The following GRID2 variants were observed in gnomAD, a reference collection of about 807,000 sequenced individuals.
GRID2 encodes the protein glutamate receptor ionotropic, delta-2.
Under a neutral mutation model 114.8 loss-of-function variants are expected in GRID2, and 33 were observed. The observed-to-expected ratio is 0.29, with a 90% CI of 0.22 to 0.38. GRID2 has a LOEUF of 0.38. GRID2 is among the 10% of genes least tolerant of loss of function. The pLI is 1.00. For missense variants in GRID2, 1,184 were observed against 1,257.7 expected (o/e 0.94, Z 0.89); for synonymous variants, 505 against 449.9 (o/e 1.12, Z -1.55).
At chr4:93,129,374 TTTG>T (rs534558735) in intron 4 of GRID2, among the ~76,000 whole-genome samples, 46 of 152,170 alleles carry the variant, frequency 3.0e-4, no homozygotes, top group South Asian at 6.2e-4. Flanking sequence ...TTTGTTTGTT[TTTG>T]TTGTTGTTTT....
intron 2 of GRID2, among the ~76,000 whole-genome samples, chr4:92,806,584 TATG>T (rs1383221015): frequency 6.6e-6 from 1 of 151,900 alleles, no homozygotes; most frequent in African/African-American, 2.4e-5. Flanking sequence ...CTGTGCTAAG[TATG>T]ATAATTAGGA....
intron 2 of GRID2, among the ~76,000 whole-genome samples, chr4:92,868,989 AT>A (rs1035974492): frequency 6.6e-5 from 10 of 152,172 alleles, no homozygotes; most frequent in African/African-American, 2.2e-4. Context: ...TAAATTACAT[AT>A]TAGGATGATA....
chr4:93,176,490 C>G (rs1195296915), intron 4 of GRID2, among the ~76,000 whole-genome samples: 2 of 152,124 alleles, frequency 1.3e-5, no homozygotes, highest in Non-Finnish European at 2.9e-5. Flanking sequence ...TAACATTTAT[C>G]ATTTCACATT....
intron 2 of GRID2, among the ~76,000 whole-genome samples, chr4:92,716,288 T>G (rs753113877): frequency 6.6e-6 from 1 of 152,180 alleles, no homozygotes; most frequent in Admixed American, 6.5e-5. Context: ...GACTTTCATT[T>G]TTTAGCCAAT....
chr4:93,483,716 A>G (rs1459331455), intron 11 of GRID2, among the ~76,000 whole-genome samples: 1 of 151,988 alleles, frequency 6.6e-6, no homozygotes, highest in Non-Finnish European at 1.5e-5. Context: ...TGGTAAAACA[A>G]TCACATCAAA....
At chr4:92,653,233 C>T (rs969632258) in intron 2 of GRID2, among the ~76,000 whole-genome samples, 3 of 150,096 alleles carry the variant, frequency 2.0e-5, no homozygotes, top group East Asian at 2.0e-4. Flanking sequence ...CTCCTGATCT[C>T]GTGATCCAGC....
chr4:93,137,722 A>G (rs1183291425), intron 4 of GRID2, among the ~76,000 whole-genome samples: 1 of 152,132 alleles, frequency 6.6e-6, no homozygotes, highest in Non-Finnish European at 1.5e-5. Context: ...TGAAACTGAA[A>G]ATATCATGGG....
intron 2 of GRID2, among the ~76,000 whole-genome samples, chr4:92,604,785 C>T (rs546775373): frequency 6.5e-4 from 99 of 152,092 alleles, no homozygotes; most frequent in African/African-American, 2.2e-3. Context: ...CAATTTATGC[C>T]AGGGATCCAT....
intron 2 of GRID2, among the ~76,000 whole-genome samples, chr4:93,042,744 A>C (rs1173048231): frequency 6.7e-6 from 1 of 148,752 alleles, no homozygotes; most frequent in Non-Finnish European, 1.5e-5. Context: ...TAGAGAGATA[A>C]AATGAGAAAT....
At chr4:93,711,895 G>C (rs1414537086) in intron 14 of GRID2, among the ~76,000 whole-genome samples, 3 of 152,180 alleles carry the variant, frequency 2.0e-5, no homozygotes, top group Admixed American at 6.5e-5. Context: ...TTATGAAGCT[G>C]TTTTCTTGTG....
chr4:92,488,938 C>A (rs962566856), intron 1 of GRID2, among the ~76,000 whole-genome samples: 1 of 152,178 alleles, frequency 6.6e-6, no homozygotes, highest in African/African-American at 2.4e-5. Context: ...TACAGTAGAA[C>A]AACAGAGCCT....
At chr4:92,897,051 G>T (rs1213484010) in intron 2 of GRID2, among the ~76,000 whole-genome samples, 3 of 151,980 alleles carry the variant, frequency 2.0e-5, no homozygotes, top group Admixed American at 1.3e-4. Context: ...CCAAACCCAG[G>T]TTTTAATTAT....
At chr4:93,086,547 G>A (rs1730341910) in intron 3 of GRID2, among the ~76,000 whole-genome samples, 1 of 152,096 alleles carries the variant, frequency 6.6e-6, no homozygotes, top group Non-Finnish European at 1.5e-5. Context: ...TTGGCAGCCA[G>A]AGTCTTATTA....
chr4:92,452,848 A>C (rs1370632408), intron 1 of GRID2, among the ~76,000 whole-genome samples: 2 of 148,242 alleles, frequency 1.3e-5, no homozygotes, highest in African/African-American at 4.9e-5. Flanking sequence ...TACCATATAT[A>C]TATATTTACC....
intron 2 of GRID2, among the ~76,000 whole-genome samples, chr4:92,900,951 T>TGTGTGTGTGTGTG (rs1747541609): frequency 6.6e-6 from 1 of 152,116 alleles, no homozygotes; most frequent in African/African-American, 2.4e-5. Flanking sequence ...TGTGTGTGTA[T>TGTGTGTGTGTGTG]TTCCCATTTT....
chr4:92,450,078 G>A (rs1012529112), intron 1 of GRID2, among the ~76,000 whole-genome samples: 10 of 152,034 alleles, frequency 6.6e-5, no homozygotes, highest in African/African-American at 2.4e-4. Flanking sequence ...ACTTTGCTAA[G>A]TTTGGTCACT....
chr4:92,900,835 A>G (rs1261576176), intron 2 of GRID2, among the ~76,000 whole-genome samples: 1 of 34,120 alleles, frequency 2.9e-5, no homozygotes, highest in Non-Finnish European at 5.0e-5. Flanking sequence ...CTTCGTCTCA[A>G]AAAAAAAAAA....
chr4:92,340,582 G>A (rs911364548), intron 1 of GRID2, among the ~76,000 whole-genome samples: 17 of 152,214 alleles, frequency 1.1e-4, no homozygotes, highest in African/African-American at 4.1e-4. Context: ...TCTACATGAT[G>A]AACACCTACT....
At chr4:93,519,896 A>C (rs1347722240) in intron 13 of GRID2, among the ~76,000 whole-genome samples, 2 of 152,114 alleles carry the variant, frequency 1.3e-5, no homozygotes, top group African/African-American at 4.8e-5. Context: ...ACTGGGGGGA[A>C]CTCACAAGCT....
Sources: allele counts gnomAD v4.1 joint callset (sites outside exome capture counted in the v4.1 genomes callset), GRCh38; gene constraint gnomAD v4.1.1; transcripts MANE v1.5; gene names NCBI Gene and HGNC (gene_info 2026-07-23, HGNC 2026-07-21).